The following PNMA6E variants were observed in gnomAD, a reference collection of about 807,000 sequenced individuals.
PNMA6E encodes the protein paraneoplastic antigen Ma6E.
For synonymous variants in PNMA6E, 43 were observed against 17.1 expected (o/e 2.52, Z -3.74); for missense variants, 78 against 50.8 (o/e 1.53, Z -1.63).
Position 153,396,918 on chromosome X carries a change from G to T in PNMA6E, c.1932C>A (p.Ser644=), listed in dbSNP as rs897912102. The change falls in exon 2 of 2, where the codon TCC becomes TCA. Residue 644 remains serine, a synonymous_variant. Coordinates refer to ENST00000445091, the MANE Select transcript of PNMA6E (RefSeq NM_001367770.1). ...GGGCCCTAGGAGCCTATTTGCCCTG[G>T]GAGGACTTGGGCTGGCCCTCGTCCC... ...GAGDEGQPKS[S]QGK 52 of 296,365 alleles carry T rather than the reference G, an allele frequency of 1.8e-4. No individual in the cohort carries two copies. The highest frequency in any genetic ancestry group is 1.3e-3 in the African/African-American group (47 of 36,594). The allele number at this position is 296,365 out of a possible 1,213,427, so 24.4% of individuals were successfully genotyped here. A position where few individuals can be genotyped will look rare whatever the true frequency, so the allele number is the denominator to read the frequency against.
Position 153,395,935 on chromosome X carries a change from GGACA to G in PNMA6E, c.*967_*970del, listed in dbSNP as rs1288833755. ...TGAGCCCATCCCTATGGCCTTCACA[GGACA>G]GTCACAGAACACTGGGAAACACCAG... On this transcript the variant is annotated 3_prime_UTR_variant, in exon 2 of 2. Transcript: ENST00000445091. 1 of 112,228 alleles carries G rather than the reference GGACA, an allele frequency of 8.9e-6. No individual in the cohort carries two copies. Among genetic ancestry groups the G allele is most frequent in the Non-Finnish European group, 1.9e-5 (1 of 53,157 alleles). 9.2% of individuals were successfully genotyped at this position (112,228 alleles called of 1,213,427 possible).
chrX:153,412,841 C>T, the PNMA6E span, among the ~76,000 whole-genome samples: 3 of 112,128 alleles, frequency 2.7e-5, no homozygotes, highest in African/African-American at 6.5e-5. Flanking sequence ...GGACCCGACC[C>T]GCCTGTTAGA....
chrX:153,399,005 G>A, intron 1 of PNMA6E, 85 bp from the exon 2 acceptor site: 2 of 294,098 alleles, frequency 6.8e-6, no homozygotes, highest in Non-Finnish European at 1.2e-5. Context: ...GGGTGAGGGG[G>A]CAGGGCTGGA....
rs373244024 is a variant in PNMA6E, at chrX:153,398,256, G to A, written c.594C>T (p.Gly198=). 20 of 325,032 alleles carry A rather than the reference G, an allele frequency of 6.2e-5. No homozygotes were observed. The highest frequency in any genetic ancestry group is 9.7e-5 in the East Asian group (2 of 20,584). 26.8% of individuals were successfully genotyped at this position (325,032 alleles called of 1,213,427 possible). A position where few individuals can be genotyped will look rare whatever the true frequency, so the allele number is the denominator to read the frequency against. The change falls in exon 2 of 2, where the codon GGC becomes GGT. Residue 198 remains glycine (G), a synonymous_variant. Transcript: ENST00000445091. ...GEGGAAGEAG[G]AGEAGGVGEA... is the part of the protein sequence containing the mutation. ...CACCTACACCTCCTGCCTCACCTGC[G>A]CCTCCTGCCTCACCTGCTGCTCCTC...
chrX:153,402,218 T>C (rs1405226399), upstream of PNMA6E, among the ~76,000 whole-genome samples: 2 of 112,116 alleles, frequency 1.8e-5, no homozygotes, highest in African/African-American at 6.5e-5. Flanking sequence ...TCAACTTTTG[T>C]TTTATGTATT....
rs1384013009 is a variant in PNMA6E at position 153,396,256 on chromosome X, A to G, written c.*650T>C. 2 of 122,299 alleles carry G rather than the reference A, an allele frequency of 1.6e-5. No homozygotes were observed. The highest frequency in any genetic ancestry group is 3.8e-5 in the Non-Finnish European group (2 of 53,090). The allele number at this position is 122,299 out of a possible 1,213,427, so 10.1% of individuals were successfully genotyped here. On this transcript the variant is annotated 3_prime_UTR_variant, in exon 2 of 2. Transcript: ENST00000445091. ...CCCCTGGCCTAGATCTACGCCAGGA[A>G]AGCAGAGGTGGTGCTCACGATGCAG...
intron 1 of PNMA6E, among the ~76,000 whole-genome samples, chrX:153,400,281 C>T (rs1047099279): frequency 4.4e-5 from 5 of 112,459 alleles, no homozygotes; most frequent in African/African-American, 1.3e-4. Context: ...ACTGCCACGC[C>T]GACAGCCTCC....
upstream of PNMA6E, among the ~76,000 whole-genome samples, chrX:153,402,924 C>T (rs1457853585): frequency 8.9e-6 from 1 of 112,718 alleles, no homozygotes; most frequent in East Asian, 2.8e-4. Context: ...TGAATGTTCT[C>T]TTCTTCTTCG....
At chrX:153,411,423 GC>G in the PNMA6E span, among the ~76,000 whole-genome samples, 6 of 109,892 alleles carry the variant, frequency 5.5e-5, no homozygotes, top group South Asian at 3.9e-4. Flanking sequence ...CATGCTCCAT[GC>G]CCCCCCCACA....
rs782306104 is a variant in PNMA6E at position 153,397,674 on chromosome X, C to T, written c.1176G>A (p.Ala392=). 22 of 300,022 alleles carry T rather than the reference C, an allele frequency of 7.3e-5. No homozygotes were observed. The highest frequency in any genetic ancestry group is 4.3e-4 in the East Asian group (9 of 21,023). The allele number at this position is 300,022 out of a possible 1,213,427, so 24.7% of individuals were successfully genotyped here. Residue 392 remains alanine (A), a synonymous_variant, in exon 2 of 2, where the codon GCG becomes GCA. Coordinates refer to ENST00000445091, the MANE Select transcript of PNMA6E (RefSeq NM_001367770.1). ...DTNLSALDCL[A]ALGQVFRNQD... ...GGTTCCTAAATACCTGCCCCAGCGC[C>T]GCCAGGCAGTCCAGCGCGGACAAGT...
At chrX:153,401,910 C>T (rs1341862332), upstream of PNMA6E, among the ~76,000 whole-genome samples, 5 of 100,793 alleles carry the variant, frequency 5.0e-5, no homozygotes, top group Admixed American at 1.1e-4. Flanking sequence ...CTGCAACCTC[C>T]GCCTCCCGGG....
chrX:153,409,154 C>A, the PNMA6E span, among the ~76,000 whole-genome samples: 557 of 113,156 alleles, frequency 4.9e-3, 2 homozygotes, highest in Middle Eastern at 0.046. Context: ...CTCACCTGCC[C>A]GTCCTGGGCC....
At chrX:153,402,506 C>G (rs1359444571), upstream of PNMA6E, among the ~76,000 whole-genome samples, 1 of 111,163 alleles carries the variant, frequency 9.0e-6, no homozygotes, top group Non-Finnish European at 1.9e-5. Context: ...CTATAGTTGT[C>G]ATATATATAT....
chrX:153,413,712 G>A, the PNMA6E span, among the ~76,000 whole-genome samples: 1 of 111,906 alleles, frequency 8.9e-6, no homozygotes, highest in Non-Finnish European at 1.9e-5. Flanking sequence ...CTCTAGTTCC[G>A]CCAGGTGCCT....
chrX:153,411,596 C>T, the PNMA6E span, among the ~76,000 whole-genome samples: 4 of 113,038 alleles, frequency 3.5e-5, no homozygotes, highest in Non-Finnish European at 5.6e-5. Flanking sequence ...CCCGCGTTTC[C>T]TGGGGACGCG....
intron 1 of PNMA6E, among the ~76,000 whole-genome samples, 164 bp downstream of exon 1, chrX:153,401,080 C>T (rs782371623): frequency 7.5e-4 from 81 of 107,931 alleles, no homozygotes; most frequent in East Asian, 4.5e-3. Flanking sequence ...GCACCTAAAC[C>T]GGGCCAGGCG....
upstream of PNMA6E, among the ~76,000 whole-genome samples, chrX:153,404,301 T>C (rs897836428): frequency 4.9e-4 from 55 of 111,270 alleles, no homozygotes; most frequent in African/African-American, 1.6e-3. Context: ...ATTTTTTTAA[T>C]ATTGTGAATT....
upstream of PNMA6E, among the ~76,000 whole-genome samples, chrX:153,406,252 T>C (rs183490258): frequency 4.7e-4 from 53 of 112,012 alleles, no homozygotes; most frequent in Non-Finnish European, 8.5e-4. Flanking sequence ...CCCTCAGGGT[T>C]CTCAGTTGCA....
chrX:153,412,117 C>T, the PNMA6E span, among the ~76,000 whole-genome samples: 2 of 112,837 alleles, frequency 1.8e-5, no homozygotes, highest in African/African-American at 6.4e-5. Flanking sequence ...GTCTCCAGAT[C>T]GGGGCAGGAT....
Sources: allele counts gnomAD v4.1 joint callset (sites outside exome capture counted in the v4.1 genomes callset), GRCh38; gene constraint gnomAD v4.1.1; transcripts MANE v1.5; gene names NCBI Gene and HGNC (gene_info 2026-07-23, HGNC 2026-07-21).